Variants in ESR1 observed in about 807,000 individuals in gnomAD.
The protein encoded by ESR1 is estrogen receptor.
A neutral mutation model predicts 52.7 loss-of-function variants in ESR1; 12 were observed. That is an observed-to-expected ratio of 0.23 (90% CI 0.15 to 0.37). ESR1 has a LOEUF of 0.37. Among genes scored for constraint, ESR1 ranks in the 10% least tolerant of loss-of-function variants. The pLI is 1.00. For missense variants in ESR1, 584 were observed against 779.7 expected, an observed-to-expected ratio of 0.75 and a Z score of 2.99; for synonymous variants, 305 against 316.8, an observed-to-expected ratio of 0.96 and a Z score of 0.39.
chr6:152,078,596 C>T (rs1007643985), intron 6 of ESR1, among the ~76,000 whole-genome samples: 1 of 152,148 alleles, frequency 6.6e-6, no homozygotes, highest in African/African-American at 2.4e-5. Context: ...AACTGAGGCA[C>T]CTGGTTCATC....
At chr6:151,823,893 C>A (rs1449169428) in intron 1 of ESR1, among the ~76,000 whole-genome samples, 1 of 152,166 alleles carries the variant, frequency 6.6e-6, no homozygotes, top group Non-Finnish European at 1.5e-5. Context: ...TGGGTTGGTT[C>A]CAAGTCTTTG....
intron 4 of ESR1, among the ~76,000 whole-genome samples, chr6:151,998,080 C>T (rs2041647582): frequency 6.6e-6 from 1 of 152,008 alleles, no homozygotes; most frequent in African/African-American, 2.4e-5. Flanking sequence ...GTTTCATATC[C>T]CACTTAACAA....
At chr6:151,995,087 C>T (rs1242925328) in intron 4 of ESR1, among the ~76,000 whole-genome samples, 3 of 152,112 alleles carry the variant, frequency 2.0e-5, no homozygotes, top group Admixed American at 1.3e-4. Flanking sequence ...GTGGAGCACA[C>T]ACTCAGCAGC....
At chr6:151,899,132 C>T (rs1420262569) in intron 3 of ESR1, among the ~76,000 whole-genome samples, 2 of 135,558 alleles carry the variant, frequency 1.5e-5, no homozygotes, top group African/African-American at 2.9e-5. Context: ...GGGGCTGACC[C>T]CCCCGCCTCC....
chr6:152,125,367 C>T (rs1350935258), exon 7 of ESR1: 1 of 1,548,524 alleles, frequency 6.5e-7, no homozygotes. Context: ...GTCATAAGGC[C>T]TCACAGTATC....
At chr6:152,105,775 C>CTTTTTTT (rs71017522), downstream of ESR1, among the ~76,000 whole-genome samples, 164 of 79,432 alleles carry the variant, frequency 2.1e-3, 9 homozygotes, top group African/African-American at 7.5e-3. Flanking sequence ...CAGTATGCAT[C>CTTTTTTT]TTTTTTTTTT....
At chr6:151,674,126 C>A (rs186879226) in intron 1 of ESR1, among the ~76,000 whole-genome samples, 18 of 152,134 alleles carry the variant, frequency 1.2e-4, no homozygotes, top group African/African-American at 4.3e-4. Flanking sequence ...AACCTGTCAT[C>A]TAGGTTTTAA....
chr6:151,909,761 G>A (rs1797982783), intron 3 of ESR1, among the ~76,000 whole-genome samples: 2 of 152,180 alleles, frequency 1.3e-5, no homozygotes, highest in South Asian at 4.1e-4. Context: ...GTGCAGGTGA[G>A]GAGTGGTAGA....
At chr6:151,883,296 T>G (rs1042308096) in intron 3 of ESR1, among the ~76,000 whole-genome samples, 13 of 10,004 alleles carry the variant, frequency 1.3e-3, no homozygotes, top group East Asian at 5.0e-3. Flanking sequence ...ATTTTTGTGT[T>G]TTTTTTTTTT....
chr6:151,823,867 A>G (rs916036415), intron 1 of ESR1, among the ~76,000 whole-genome samples: 2 of 152,178 alleles, frequency 1.3e-5, no homozygotes, highest in African/African-American at 4.8e-5. Flanking sequence ...AATCCAGTCT[A>G]TCATTGATGG....
chr6:151,835,739 G>C (rs1273933713), intron 1 of ESR1, among the ~76,000 whole-genome samples: 1 of 152,142 alleles, frequency 6.6e-6, no homozygotes, highest in African/African-American at 2.4e-5. Context: ...AAGCTACAAA[G>C]AGACCAATGC....
intron 2 of ESR1, among the ~76,000 whole-genome samples, chr6:151,865,298 T>A (rs1789683029): frequency 6.6e-6 from 1 of 152,178 alleles, no homozygotes; most frequent in Non-Finnish European, 1.5e-5. Flanking sequence ...TACATATTGG[T>A]CTCACTCATT....
At chr6:151,897,172 GT>G (rs1190339740) in intron 3 of ESR1, among the ~76,000 whole-genome samples, 1 of 152,188 alleles carries the variant, frequency 6.6e-6, no homozygotes, top group African/African-American at 2.4e-5. Flanking sequence ...TGGGTAGAAT[GT>G]TATGTAAAGA....
chr6:151,918,586 G>A (rs1475010279), intron 3 of ESR1, among the ~76,000 whole-genome samples: 1 of 152,206 alleles, frequency 6.6e-6, no homozygotes, highest in African/African-American at 2.4e-5. Flanking sequence ...AGACATGCTA[G>A]TGGATGAGAG....
chr6:151,768,171 A>G (rs1445813930), intron 2 of ESR1, among the ~76,000 whole-genome samples: 1 of 152,246 alleles, frequency 6.6e-6, no homozygotes, highest in Non-Finnish European at 1.5e-5. Flanking sequence ...TAGTAACTTT[A>G]CAGAGAAGAA....
At chr6:151,818,983 A>G (rs1335331275) in intron 1 of ESR1, among the ~76,000 whole-genome samples, 1 of 152,174 alleles carries the variant, frequency 6.6e-6, no homozygotes, top group Non-Finnish European at 1.5e-5. Flanking sequence ...TTTGGTTCCA[A>G]TCAGTCTCCT....
At chr6:151,853,169 C>CAAAAAAAAAAAAAAA (rs386408969) in intron 2 of ESR1, among the ~76,000 whole-genome samples, 25 of 42,892 alleles carry the variant, frequency 5.8e-4, no homozygotes, top group East Asian at 9.3e-4. Context: ...AGACTCGTCT[C>CAAAAAAAAAAAAAAA]AAAAAAAAAA....
At chr6:151,687,739 A>C (rs568357215), upstream of ESR1, among the ~76,000 whole-genome samples, 1 of 152,272 alleles carries the variant, frequency 6.6e-6, no homozygotes, top group Admixed American at 6.5e-5. Context: ...AACCTGAAAA[A>C]TTTCTAGAAT....
chr6:151,907,361 T>A, intron 3 of ESR1, among the ~76,000 whole-genome samples: 1 of 152,090 alleles, frequency 6.6e-6, no homozygotes, highest in South Asian at 2.1e-4. Context: ...TTATTTTAGG[T>A]CTTTTTGAAT....
Sources: allele counts gnomAD v4.1 joint callset (sites outside exome capture counted in the v4.1 genomes callset), GRCh38; gene constraint gnomAD v4.1.1; transcripts MANE v1.5; gene names NCBI Gene and HGNC (gene_info 2026-07-23, HGNC 2026-07-21).